Variants in SEMA3A observed in about 807,000 individuals in gnomAD.
The protein encoded by SEMA3A is semaphorin-3A.
SEMA3A carries 29 observed loss-of-function variants against 97.9 expected under a neutral mutation model. That is an observed-to-expected ratio of 0.30 (90% confidence interval 0.22 to 0.40). SEMA3A has a LOEUF of 0.40. SEMA3A is among the 10% of genes least tolerant of loss of function. SEMA3A has a pLI of 1.00. For synonymous variants in SEMA3A, 321 were observed against 323.7 expected (o/e 0.99, Z 0.09); for missense variants, 763 against 951.3 (o/e 0.80, Z 2.60).
chr7:84,417,537 T>A (rs1240795099), intron 1 of SEMA3A, among the ~76,000 whole-genome samples: 4 of 152,088 alleles, frequency 2.6e-5, no homozygotes, highest in East Asian at 1.9e-4. Context: ...TCACAAAAAA[T>A]TTCTGTTTAA....
chr7:84,279,304 T>C (rs1033686464), intron 3 of SEMA3A, among the ~76,000 whole-genome samples: 17 of 152,118 alleles, frequency 1.1e-4, no homozygotes, highest in Non-Finnish European at 2.5e-4. Context: ...ACATCAATAC[T>C]ATATACTAAC....
At chr7:84,138,541 G>T (rs142644435) in intron 1 of SEMA3A, among the ~76,000 whole-genome samples, 1 of 152,000 alleles carries the variant, frequency 6.6e-6, no homozygotes, top group Non-Finnish European at 1.5e-5. Flanking sequence ...GACAACTTAC[G>T]GAAGTTTTTG....
intron 5 of SEMA3A, among the ~76,000 whole-genome samples, chr7:84,049,404 G>T (rs1245777213): frequency 6.6e-6 from 1 of 151,966 alleles, no homozygotes. Flanking sequence ...TCTAGATAAG[G>T]TATGACATCT....
At chr7:84,069,754 C>T (rs1793671827) in intron 4 of SEMA3A, among the ~76,000 whole-genome samples, 1 of 151,994 alleles carries the variant, frequency 6.6e-6, no homozygotes, top group South Asian at 2.1e-4. Flanking sequence ...GTGTGAAAAT[C>T]ATCAAATAAA....
At chr7:84,063,276 C>G (rs1368354206) in intron 4 of SEMA3A, among the ~76,000 whole-genome samples, 1 of 150,038 alleles carries the variant, frequency 6.7e-6, no homozygotes, top group Non-Finnish European at 1.5e-5. Context: ...TGTACATCAC[C>G]ATCATTGAGG....
chr7:84,344,042 T>C (rs1044313498), intron 2 of SEMA3A, among the ~76,000 whole-genome samples: 4 of 151,948 alleles, frequency 2.6e-5, no homozygotes, highest in African/African-American at 9.7e-5. Context: ...GTAATATTCA[T>C]ATAGACATTA....
At chr7:84,429,547 T>TATATATATATATATATATATAG (rs1443588588) in intron 1 of SEMA3A, among the ~76,000 whole-genome samples, 6 of 115,924 alleles carry the variant, frequency 5.2e-5, no homozygotes, top group Admixed American at 1.0e-4. Context: ...TATATATATA[T>TATATATATATATATATATATAG]AGCGAGAGAG....
At chr7:84,458,465 T>G in intron 1 of SEMA3A, among the ~76,000 whole-genome samples, 1 of 152,108 alleles carries the variant, frequency 6.6e-6, no homozygotes, top group East Asian at 1.9e-4. Flanking sequence ...AATAATTTGA[T>G]AGGAGTTATA....
In SEMA3A at chr7:83,957,579, G is replaced by A. The variant is rs910914227; in HGVS notation, c.*3792C>T. ...ATTGCGAAACTGTCCTTACTATATG[G>A]GCTGTCACATATGCTGATTTTATTC... On this transcript the variant is annotated 3_prime_UTR_variant, in exon 17 of 17. Transcript: ENST00000265362. 6.6e-6 allele frequency: 1 copy of A among 151,802 alleles called. No individual in the cohort carries two copies. The highest frequency in any genetic ancestry group is 1.5e-5 in the Non-Finnish European group (1 of 67,912). 9.4% of individuals were successfully genotyped at this position (151,802 alleles called of 1,614,324 possible).
chr7:84,261,161 T>C (rs1799848693), intron 3 of SEMA3A, among the ~76,000 whole-genome samples: 1 of 152,120 alleles, frequency 6.6e-6, no homozygotes, highest in Non-Finnish European at 1.5e-5. Context: ...GTATTCTTTC[T>C]GATGAGAGCT....
intron 2 of SEMA3A, among the ~76,000 whole-genome samples, chr7:84,309,004 G>C (rs1056471936): frequency 6.6e-6 from 1 of 151,904 alleles, no homozygotes; most frequent in African/African-American, 2.4e-5. Flanking sequence ...TTTTAGTATA[G>C]ACGGGGTTTC....
intron 11 of SEMA3A, 143 bp downstream of exon 11, chr7:84,005,196 T>C: frequency 1.6e-6 from 1 of 629,526 alleles, no homozygotes. Context: ...AGTTAAGTTT[T>C]GGGGAAATCA....
At chr7:84,411,504 C>A (rs968065292) in intron 1 of SEMA3A, among the ~76,000 whole-genome samples, 3 of 151,176 alleles carry the variant, frequency 2.0e-5, no homozygotes, top group Non-Finnish European at 4.4e-5. Flanking sequence ...AAACCTATTT[C>A]AAAAATAATA....
At chr7:84,185,654 GCA>G (rs1797857003) in intron 1 of SEMA3A, among the ~76,000 whole-genome samples, 5 of 135,870 alleles carry the variant, frequency 3.7e-5, no homozygotes, top group Non-Finnish European at 7.6e-5. Flanking sequence ...TCACGCCATT[GCA>G]CTCCAGCCTG....
chr7:84,235,845 A>T (rs1490963838), intron 3 of SEMA3A, among the ~76,000 whole-genome samples: 1 of 152,060 alleles, frequency 6.6e-6, no homozygotes, highest in African/African-American at 2.4e-5. Flanking sequence ...ATTGCATCTC[A>T]AGCTCTTTCA....
chr7:84,159,122 T>A (rs35195619), intron 1 of SEMA3A, among the ~76,000 whole-genome samples: 57,660 of 152,030 alleles, frequency 0.38, 12,828 homozygotes, highest in Admixed American at 0.49. Context: ...CATTTTTTTT[T>A]AAAGAAAGGG....
At chr7:84,151,351 A>G (rs891474613) in intron 1 of SEMA3A, among the ~76,000 whole-genome samples, 7 of 151,314 alleles carry the variant, frequency 4.6e-5, no homozygotes, top group African/African-American at 1.7e-4. Context: ...AAAAAAATTT[A>G]GAAGAATGTA....
chr7:84,005,024 T>TTAAA (rs944932058), intron 11 of SEMA3A, among the ~76,000 whole-genome samples: 1 of 152,174 alleles, frequency 6.6e-6, no homozygotes, highest in African/African-American at 2.4e-5. Context: ...TTAATGAACA[T>TTAAA]TAAATATATT....
At chr7:84,403,213 C>G (rs1803957442) in intron 1 of SEMA3A, among the ~76,000 whole-genome samples, 1 of 152,166 alleles carries the variant, frequency 6.6e-6, no homozygotes, top group African/African-American at 2.4e-5. Flanking sequence ...CTGCGCTTTT[C>G]CAACGGGCTT....
Sources: allele counts gnomAD v4.1 joint callset (sites outside exome capture counted in the v4.1 genomes callset), GRCh38; gene constraint gnomAD v4.1.1; transcripts MANE v1.5; gene names NCBI Gene and HGNC (gene_info 2026-07-23, HGNC 2026-07-21).